Variants in PTPRD observed in about 807,000 individuals in gnomAD.
The protein encoded by PTPRD is receptor-type tyrosine-protein phosphatase delta.
Under a neutral mutation model 214.5 loss-of-function variants are expected in PTPRD, and 34 were observed. That is an observed-to-expected ratio of 0.16 (90% CI 0.12 to 0.21). The LOEUF is 0.21. PTPRD is among the 10% of genes least tolerant of loss of function. The probability of loss-of-function intolerance (pLI) is 1.00; values close to 1 mark genes in which losing one functional copy is unlikely to be tolerated. For missense variants in PTPRD, 2,545 were observed against 2,398.7 expected (o/e 1.06, Z -1.27); for synonymous variants, 1,128 against 845.7 (o/e 1.33, Z -5.79).
chr9:9,470,216 G>A (rs1474851182), intron 8 of PTPRD, among the ~76,000 whole-genome samples: 1 of 151,982 alleles, frequency 6.6e-6, no homozygotes, highest in Non-Finnish European at 1.5e-5. Flanking sequence ...ATATTTGTAT[G>A]GTCACTTCTA....
chr9:9,558,099 T>C (rs1158964683), intron 8 of PTPRD, among the ~76,000 whole-genome samples: 1 of 152,124 alleles, frequency 6.6e-6, no homozygotes, highest in Non-Finnish European at 1.5e-5. Context: ...CTCCTGTCCA[T>C]CTGCAAGATG....
At chr9:9,509,441 G>C (rs1419342012) in intron 8 of PTPRD, among the ~76,000 whole-genome samples, 1 of 151,132 alleles carries the variant, frequency 6.6e-6, no homozygotes, top group Non-Finnish European at 1.5e-5. Flanking sequence ...AAACTTACTA[G>C]ATCATCACAA....
intron 3 of PTPRD, among the ~76,000 whole-genome samples, chr9:10,326,225 A>C (rs1305446710): frequency 6.6e-6 from 1 of 151,770 alleles, no homozygotes; most frequent in Non-Finnish European, 1.5e-5. Context: ...GTGTTCTTTA[A>C]TAAAAGGCTG....
intron 13 of PTPRD, 150 bp downstream of exon 13, chr9:8,636,549 T>G: frequency 9.4e-7 from 1 of 1,059,918 alleles, no homozygotes; most frequent in Non-Finnish European, 1.3e-6. Flanking sequence ...TAAAAAGCCA[T>G]TTAGAGTTAC....
chr9:9,736,769 T>G (rs1233940578), intron 6 of PTPRD, among the ~76,000 whole-genome samples: 2 of 152,088 alleles, frequency 1.3e-5, no homozygotes, highest in East Asian at 1.9e-4. Context: ...GTTATTTTTA[T>G]GCATTTTATA....
At chr9:9,818,863 C>G (rs2049696072) in intron 5 of PTPRD, among the ~76,000 whole-genome samples, 1 of 142,246 alleles carries the variant, frequency 7.0e-6, no homozygotes, top group South Asian at 2.2e-4. Context: ...TTTCAGTGAG[C>G]CAAGATTGTG....
intron 8 of PTPRD, among the ~76,000 whole-genome samples, chr9:9,431,447 C>T (rs1483926589): frequency 6.6e-6 from 1 of 152,158 alleles, no homozygotes; most frequent in Non-Finnish European, 1.5e-5. Flanking sequence ...TGCTTTTACA[C>T]TGTTGGTGGG....
In PTPRD at chr9:9,471,307, T is replaced by C. The variant is rs180695885; in HGVS notation, c.-236-73825A>G. On this transcript the variant is annotated intron_variant, in intron 8 of 45. Transcript: ENST00000381196. ...GAAGGCCAAAGGAAACAACTGGATA[T>C]TTCTTCTAGCTGAACTTATTATACT... is the stretch of plus-strand genomic sequence containing the variant. 9.8e-4 allele frequency among the ~76,000 whole-genome samples: 150 copies of C among 152,314 alleles called. 1 individual carries two copies. The highest frequency in any genetic ancestry group is 3.5e-3 in the African/African-American group (144 of 41,580).
At chr9:10,013,376 G>A (rs2096639103) in intron 4 of PTPRD, among the ~76,000 whole-genome samples, 1 of 151,886 alleles carries the variant, frequency 6.6e-6, no homozygotes, top group African/African-American at 2.4e-5. Flanking sequence ...TATTCCATTT[G>A]TAAATAAATA....
At chr9:9,864,578 G>C (rs2063529646) in intron 5 of PTPRD, among the ~76,000 whole-genome samples, 1 of 152,082 alleles carries the variant, frequency 6.6e-6, no homozygotes, top group African/African-American at 2.4e-5. Flanking sequence ...GAGTGCAGTG[G>C]CATGAACATG....
intron 7 of PTPRD, among the ~76,000 whole-genome samples, chr9:9,663,352 CTT>C (rs1168891321): frequency 6.6e-6 from 1 of 150,570 alleles, no homozygotes; most frequent in Non-Finnish European, 1.5e-5. Context: ...TATCAATAAA[CTT>C]AATTTCAAAG....
chr9:10,502,142 A>G (rs1288358811), intron 2 of PTPRD, among the ~76,000 whole-genome samples: 3 of 152,000 alleles, frequency 2.0e-5, no homozygotes, highest in Non-Finnish European at 4.4e-5. Flanking sequence ...AAGAAAGCCA[A>G]CATGCAAATT....
chr9:10,499,122 G>A (rs1037088596), intron 2 of PTPRD, among the ~76,000 whole-genome samples: 1 of 151,812 alleles, frequency 6.6e-6, no homozygotes, highest in African/African-American at 2.4e-5. Flanking sequence ...TGTTACATTT[G>A]TTACCAAAGA....
chr9:9,516,861 A>T (rs2154250771), intron 8 of PTPRD, among the ~76,000 whole-genome samples: 1 of 152,206 alleles, frequency 6.6e-6, no homozygotes, highest in Non-Finnish European at 1.5e-5. Context: ...AAGTTAAATT[A>T]CTTCAGTCCA....
chr9:9,212,660 A>T (rs1291154557), intron 9 of PTPRD, among the ~76,000 whole-genome samples: 2 of 152,196 alleles, frequency 1.3e-5, no homozygotes, highest in Non-Finnish European at 2.9e-5. Context: ...AGTATTTTGC[A>T]CATACAGCCA....
chr9:9,638,971 C>T (rs931373011), intron 7 of PTPRD, among the ~76,000 whole-genome samples: 4 of 152,114 alleles, frequency 2.6e-5, no homozygotes, highest in Admixed American at 1.3e-4. Context: ...TGGCACAAAC[C>T]CATGCCACTC....
intron 2 of PTPRD, among the ~76,000 whole-genome samples, chr9:10,395,071 G>C (rs1176028929): frequency 6.7e-6 from 1 of 149,596 alleles, no homozygotes; most frequent in Non-Finnish European, 1.5e-5. Flanking sequence ...ATGTCTCTTA[G>C]TGAACCTCTA....
At chr9:9,358,809 T>G (rs1440827980) in intron 9 of PTPRD, among the ~76,000 whole-genome samples, 1 of 151,292 alleles carries the variant, frequency 6.6e-6, no homozygotes, top group Non-Finnish European at 1.5e-5. Context: ...TTAACGTCAT[T>G]AAGCTGCTTG....
chr9:8,425,587 C>G (rs1364202160), intron 35 of PTPRD, among the ~76,000 whole-genome samples: 2 of 152,200 alleles, frequency 1.3e-5, no homozygotes, highest in African/African-American at 4.8e-5. Flanking sequence ...CTCTCCAAGT[C>G]ATGGGTACTC....
Sources: allele counts gnomAD v4.1 joint callset (sites outside exome capture counted in the v4.1 genomes callset), GRCh38; gene constraint gnomAD v4.1.1; transcripts MANE v1.5; gene names NCBI Gene and HGNC (gene_info 2026-07-23, HGNC 2026-07-21).